Variants in NCOA3 observed in about 807,000 individuals in gnomAD.
NCOA3 encodes the protein nuclear receptor coactivator 3, also known as CBP-interacting protein.
Under a neutral mutation model 158.8 loss-of-function variants are expected in NCOA3, and 51 were observed. The ratio of observed to expected loss-of-function variants is 0.32; its 90% CI spans 0.26 to 0.41. The LOEUF (loss-of-function observed/expected upper bound fraction) is 0.41, where lower values mean the gene tolerates loss of function less well. Ranked by LOEUF, NCOA3 falls within the 10% of genes least tolerant of loss-of-function variation. NCOA3 has a pLI of 1.00. For synonymous variants in NCOA3, 537 were observed against 592.4 expected (o/e 0.91, Z 1.36); for missense variants, 1,510 against 1,746.6 (o/e 0.86, Z 2.41).
chr20:47,517,270 T>TA (rs1482507642), intron 1 of NCOA3, among the ~76,000 whole-genome samples: 1 of 152,014 alleles, frequency 6.6e-6, no homozygotes, highest in African/African-American at 2.4e-5. Context: ...CAGTACAGAG[T>TA]AAAAAGAGAT....
intron 10 of NCOA3, 68 bp downstream of exon 10, chr20:47,634,263 A>T: frequency 6.7e-7 from 1 of 1,483,400 alleles, no homozygotes; most frequent in South Asian, 1.3e-5. Context: ...TTATTATTAA[A>T]GTAAAAAGGG....
chr20:47,605,381 ATTAC>A (rs2085929076), intron 2 of NCOA3, among the ~76,000 whole-genome samples: 1 of 151,920 alleles, frequency 6.6e-6, no homozygotes, highest in South Asian at 2.1e-4. Context: ...GGTGATATGC[ATTAC>A]TTAGGTTTTG....
chr20:47,533,598 A>C (rs2084585458), intron 1 of NCOA3, among the ~76,000 whole-genome samples: 2 of 152,150 alleles, frequency 1.3e-5, no homozygotes, highest in Non-Finnish European at 2.9e-5. Flanking sequence ...TCCAGCAGTC[A>C]TGTGAAGAGT....
chr20:47,559,056 C>CATCCATAATCCTTCCCATAGA lies in NCOA3; in HGVS notation c.-98-24126_-98-24106dup, dbSNP rs534018887. ...TCTCTATTAGGGTTCTTTTCCATAG[C>CATCCATAATCCTTCCCATAGA]ATCCATAATCCTTCCCATAGAGCAC... On this transcript the variant is annotated intron_variant, in intron 1 of 22. Transcript: ENST00000371998. Among the ~76,000 whole-genome samples the CATCCATAATCCTTCCCATAGA allele has an allele frequency of 4.3e-3, 658 of 152,192 alleles. 3 individuals carry two copies. Among genetic ancestry groups the CATCCATAATCCTTCCCATAGA allele is most frequent in the Non-Finnish European group, 5.3e-3 (361 of 67,998 alleles).
intron 2 of NCOA3, among the ~76,000 whole-genome samples, chr20:47,615,480 C>T (rs1224227696): frequency 6.6e-6 from 1 of 152,078 alleles, no homozygotes; most frequent in African/African-American, 2.4e-5. Context: ...AAACTTTTTC[C>T]CTCCTGTCTT....
At chr20:47,641,490 CTTTTTTTTTT>C (rs71183270) in intron 16 of NCOA3, among the ~76,000 whole-genome samples, 24 of 48,342 alleles carry the variant, frequency 5.0e-4, no homozygotes, top group African/African-American at 7.2e-4. Context: ...TGGCTCCCTT[CTTTTTTTTTT>C]TTTTTTTTTT....
chr20:47,564,943 A>T (rs1386480087), intron 1 of NCOA3, among the ~76,000 whole-genome samples: 1 of 151,342 alleles, frequency 6.6e-6, no homozygotes, highest in African/African-American at 2.4e-5. Flanking sequence ...TTGTTTGTTT[A>T]TACACCAGAG....
At chr20:47,503,096 G>A (rs2083967550) in intron 1 of NCOA3, among the ~76,000 whole-genome samples, 1 of 152,188 alleles carries the variant, frequency 6.6e-6, no homozygotes, top group South Asian at 2.1e-4. Context: ...TCTTGCTGCA[G>A]TGGTTTTAAA....
At chr20:47,563,484 A>G (rs923082323) in intron 1 of NCOA3, among the ~76,000 whole-genome samples, 2 of 152,194 alleles carry the variant, frequency 1.3e-5, no homozygotes, top group Non-Finnish European at 2.9e-5. Context: ...GAAATCAAAA[A>G]GGGAAAAAAA....
chr20:47,547,674 TC>T (rs1281903514), intron 1 of NCOA3, among the ~76,000 whole-genome samples: 1 of 151,854 alleles, frequency 6.6e-6, no homozygotes, highest in Non-Finnish European at 1.5e-5. Context: ...CGCCTCGGCC[TC>T]CCAAAGTGCT....
chr20:47,520,087 AAAAGG>A, intron 1 of NCOA3, among the ~76,000 whole-genome samples: 2 of 151,192 alleles, frequency 1.3e-5, no homozygotes, highest in African/African-American at 2.4e-5. Flanking sequence ...AAAAAAAAAA[AAAAGG>A]AAGGCTACAG....
chr20:47,532,760 A>G (rs2084566923), intron 1 of NCOA3, among the ~76,000 whole-genome samples: 3 of 152,130 alleles, frequency 2.0e-5, no homozygotes, highest in Admixed American at 6.6e-5. Context: ...GGTGTGAGCT[A>G]TCATACCTGG....
intron 1 of NCOA3, among the ~76,000 whole-genome samples, chr20:47,568,210 G>C (rs2085229746): frequency 6.6e-6 from 1 of 152,144 alleles, no homozygotes; most frequent in Admixed American, 6.5e-5. Context: ...GAATGCATTG[G>C]GTACTTGAAT....
chr20:47,540,132 A>G (rs1008709664), intron 1 of NCOA3, among the ~76,000 whole-genome samples: 2 of 152,082 alleles, frequency 1.3e-5, no homozygotes, highest in African/African-American at 2.4e-5. Context: ...ACCACCCTAC[A>G]TTGCCTTAGG....
chr20:47,581,034 G>A (rs1330237735), intron 1 of NCOA3, among the ~76,000 whole-genome samples: 4 of 152,082 alleles, frequency 2.6e-5, no homozygotes, highest in African/African-American at 4.8e-5. Context: ...CTCGGAGGTC[G>A]AGGCTGAGGT....
At position 47,651,092 on chromosome 20, in the gene NCOA3, A is replaced by AGCAGCAGCAGCAACAG. The variant is rs2086783470; in HGVS notation, c.3762_3763insGCAGCAGCAGCAACAG (p.Gln1255AlafsTer36). ...TGATGCAGCAGCAGCAGCAGCAGCAACAGCAGCAGCAGCAGCAGCAGCAGC... is the reference window on the plus strand; with the variant it reads ...TGATGCAGCAGCAGCAGCAGCAGCAAGCAGCAGCAGCAACAGCAGCAGCAGCAGCAGCAGCAGCAGC... On this transcript the variant is annotated frameshift_variant, in exon 20 of 23. Coordinates refer to ENST00000371998, the MANE Select transcript of NCOA3 (RefSeq NM_181659.3). LOFTEE classifies it high-confidence loss of function. The AGCAGCAGCAGCAACAG allele has an allele frequency of 3.4e-6, 5 of 1,461,310 alleles. No individual in the cohort carries two copies. In the African/African-American group the frequency reaches 5.5e-5, roughly 16 times the overall value. 90.5% of individuals were successfully genotyped at this position (1,461,310 alleles called of 1,614,324 possible).
rs1480243988 is a variant in NCOA3 at position 47,624,092 on chromosome 20, A to ATCT, written c.256+9_256+10insTCT. 6.3e-7 allele frequency: 1 copy of ATCT among 1,595,140 alleles called. No individual in the cohort carries two copies. The highest frequency in any genetic ancestry group is 2.2e-5 in the East Asian group (1 of 44,498). Reference sequence around the variant, plus strand: ...TCAAATAAAAGAGCAAGGTAATAAAAACACTCATGTCTTTTTGAACAGTGG... The same window carrying ATCT: ...TCAAATAAAAGAGCAAGGTAATAAAATCTACACTCATGTCTTTTTGAACAGTGG... On this transcript the variant is annotated intron_variant, in intron 4 of 22. Transcript: ENST00000371998.
rs371327276 is a variant in NCOA3 at position 47,634,376 on chromosome 20, G to A, written c.1112+181G>A. On this transcript the variant is annotated intron_variant, in intron 10 of 22. Transcript: ENST00000371998. ...TTTAAGGTTGTATTTTTATGTGAAA[G>A]TGATTATTTATTAAATACTTTACAG... Among the ~76,000 whole-genome samples, 9 of 152,334 alleles carry A rather than the reference G, an allele frequency of 5.9e-5. No individual in the cohort carries two copies. The East Asian group carries it at 1.2e-3, about 20-fold the overall frequency.
intron 1 of NCOA3, among the ~76,000 whole-genome samples, chr20:47,561,368 A>AC (rs2085102879): frequency 6.9e-6 from 1 of 145,962 alleles, no homozygotes; most frequent in Non-Finnish European, 1.5e-5. Flanking sequence ...TGGCATGTTC[A>AC]TAGCTCACTG....
Sources: gnomAD v4.1 joint callset for allele counts (sites outside exome capture counted in the v4.1 genomes callset) on GRCh38, gnomAD v4.1.1 for gene constraint, MANE v1.5 for transcripts, NCBI Gene and HGNC (gene_info 2026-07-23, HGNC 2026-07-21) for gene names.